The following PCLO variants were observed in gnomAD, a reference collection of about 807,000 sequenced individuals.
PCLO encodes protein piccolo.
A neutral mutation model predicts 427.5 loss-of-function variants in PCLO; 82 were observed. The ratio of observed to expected loss-of-function variants is 0.19; its 90% confidence interval spans 0.16 to 0.23. The LOEUF (loss-of-function observed/expected upper bound fraction) is 0.23. PCLO is among the 10% of genes least tolerant of loss of function. PCLO has a pLI of 1.00. For missense variants in PCLO, 6,239 were observed against 6,115.9 expected (o/e 1.02, Z -0.67); for synonymous variants, 2,357 against 2,155.4 (o/e 1.09, Z -2.59).
In PCLO at chr7:82,916,784, T is replaced by C. The variant is rs781670973; in HGVS notation, c.11202A>G (p.Thr3734=). The change falls in exon 7 of 25, where the codon ACA becomes ACG. Residue 3734 remains threonine (T), a synonymous_variant. Coordinates refer to ENST00000333891, the MANE Select transcript of PCLO (RefSeq NM_033026.6). ...LPNPPPEEIS[T]GTQSTFSTMG... ...TTGTGCTGAATGTGGATTGAGTTCC[T>C]GTGGAAATCTCCTCAGGAGGTGGAT... 1.9e-5 allele frequency: 30 copies of C among 1,613,552 alleles called. No homozygotes were observed. The highest frequency in any genetic ancestry group is 1.6e-4 in the Middle Eastern group (1 of 6,078).
intron 3 of PCLO, among the ~76,000 whole-genome samples, chr7:83,127,201 A>C (rs1562977825): frequency 6.6e-6 from 1 of 152,066 alleles, no homozygotes; most frequent in Non-Finnish European, 1.5e-5. Context: ...GATACCTTAT[A>C]AATACAATGA....
chr7:82,908,455 G>GCGTTCTTTCTATCCCAGCTCACT, intron 8 of PCLO, among the ~76,000 whole-genome samples: 1 of 152,130 alleles, frequency 6.6e-6, no homozygotes, highest in South Asian at 2.1e-4. Flanking sequence ...TCCAGGTTAA[G>GCGTTCTTTCTATCCCAGCTCACT]CGTTCTTTCT....
At chr7:82,842,490 T>C (rs1484829177) in intron 13 of PCLO, among the ~76,000 whole-genome samples, 1 of 152,074 alleles carries the variant, frequency 6.6e-6, no homozygotes, top group Admixed American at 6.6e-5. Context: ...ACCAAAGATT[T>C]TTTTGGAGAT....
intron 3 of PCLO, among the ~76,000 whole-genome samples, chr7:82,993,907 G>A (rs1796435864): frequency 6.6e-6 from 1 of 151,994 alleles, no homozygotes; most frequent in African/African-American, 2.4e-5. Context: ...AAACTAAAAT[G>A]AGACTTCTAA....
chr7:82,852,141 C>G (rs889251868), intron 10 of PCLO, among the ~76,000 whole-genome samples: 2 of 151,880 alleles, frequency 1.3e-5, no homozygotes, highest in African/African-American at 4.8e-5. Context: ...ATTTACAGAA[C>G]AAGGAGATAC....
At position 82,927,262 on chromosome 7, in the gene PCLO, T is replaced by C. The variant is rs1794734060; in HGVS notation, c.11113-10389A>G. ...CTATAACTTTTAATATTTATATAAC[T>C]AGCGTAGGTTTAAAGTACTTTTCAC... is the stretch of plus-strand genomic sequence containing the variant. On this transcript the variant is annotated intron_variant, in intron 6 of 24. Transcript: ENST00000333891. Among the ~76,000 whole-genome samples, 5 of 152,202 alleles carry C rather than the reference T, an allele frequency of 3.3e-5. No homozygotes were observed. The South Asian group carries it at 1.0e-3, about 31-fold the overall frequency.
rs112498800 is a variant in PCLO, at chr7:83,040,453, A to G, written c.3301-73966T>C. 4.9e-3 allele frequency among the ~76,000 whole-genome samples: 750 copies of G among 152,264 alleles called. 2 individuals are homozygous for G. The highest frequency in any genetic ancestry group is 0.017 in the African/African-American group (703 of 41,558). On this transcript the variant is annotated intron_variant, in intron 3 of 24. Transcript: ENST00000333891. Reference sequence around the variant, plus strand: ...GCGGATTTTTCTGTTGTTTTCAACAACGTCCTGGGGCATAAATTGTTTCGC... The same window carrying G: ...GCGGATTTTTCTGTTGTTTTCAACAGCGTCCTGGGGCATAAATTGTTTCGC...
chr7:83,107,056 TTTTTTA>T (rs1393519593), intron 3 of PCLO, among the ~76,000 whole-genome samples: 1 of 152,144 alleles, frequency 6.6e-6, no homozygotes, highest in Admixed American at 6.5e-5. Flanking sequence ...TTCAGATTCT[TTTTTTA>T]TTTTTAACTT....
rs1562996152 is a variant in PCLO at position 83,155,526 on chromosome 7, G to GGAGGCTTAGCAGGACCAA, written c.1097_1114dup (p.Leu366_Pro371dup). On this transcript the variant is annotated inframe_insertion, in exon 2 of 25. Coordinates refer to ENST00000333891, the MANE Select transcript of PCLO (RefSeq NM_033026.6). ...CTTCTCTGACCCAGTCTGCTGAGCT[G>GGAGGCTTAGCAGGACCAA]GAGGCTTAGCAGGACCAAGAGGCTG... The GGAGGCTTAGCAGGACCAA allele has an allele frequency of 6.2e-7, 1 of 1,612,764 alleles. No individual in the cohort carries two copies.
rs570449593 is a variant in PCLO, at chr7:83,089,274, T to G, written c.3300+44976A>C. On this transcript the variant is annotated intron_variant, in intron 3 of 24. Transcript: ENST00000333891. ...ATTAGAAGTGCTTAAGCCTTCTGAATGGAATGAATTCTGCTCTGCCCTTTC... is the reference window on the plus strand; with the variant it reads ...ATTAGAAGTGCTTAAGCCTTCTGAAGGGAATGAATTCTGCTCTGCCCTTTC... 9.2e-5 allele frequency among the ~76,000 whole-genome samples: 14 copies of G among 152,288 alleles called. 1 individual carries two copies. In the South Asian group the frequency reaches 1.2e-3, roughly 14 times the overall value.
intron 1 of PCLO, among the ~76,000 whole-genome samples, chr7:83,160,546 T>C (rs1354974058): frequency 7.0e-6 from 1 of 142,128 alleles, no homozygotes; most frequent in Non-Finnish European, 1.6e-5. Flanking sequence ...GTCAGAAAAT[T>C]ATTATTTATT....
chr7:83,155,021 T>TGAGGGTTTTGCTGAGCC lies in PCLO; in HGVS notation c.1603_1619dup (p.Pro544AsnfsTer21). Reference sequence around the variant, plus strand: ...GCTTTGCTGGGCTAGGCTGTTGAGCTGAGGGTTTTGCTGAGCCAGGCTGTT... The same window carrying TGAGGGTTTTGCTGAGCC: ...GCTTTGCTGGGCTAGGCTGTTGAGCTGAGGGTTTTGCTGAGCCGAGGGTTTTGCTGAGCCAGGCTGTT... On this transcript the variant is annotated frameshift_variant, in exon 2 of 25. Transcript: ENST00000333891. LOFTEE classifies it high-confidence loss of function. 1 of 1,613,686 alleles carries TGAGGGTTTTGCTGAGCC rather than the reference T, an allele frequency of 6.2e-7. No homozygotes were observed. Among genetic ancestry groups the TGAGGGTTTTGCTGAGCC allele is most frequent in the Non-Finnish European group, 8.5e-7 (1 of 1,179,808 alleles).
At chr7:83,108,115 C>T (rs1356973768) in intron 3 of PCLO, among the ~76,000 whole-genome samples, 1 of 150,914 alleles carries the variant, frequency 6.6e-6, no homozygotes, top group Admixed American at 6.6e-5. Context: ...AGATAAAGTA[C>T]TACAGTTTAT....
intron 3 of PCLO, among the ~76,000 whole-genome samples, chr7:83,058,567 T>A (rs1383242240): frequency 6.6e-6 from 1 of 152,208 alleles, no homozygotes; most frequent in African/African-American, 2.4e-5. Context: ...TATACCTCAA[T>A]AATAATTGCT....
intron 2 of PCLO, among the ~76,000 whole-genome samples, chr7:83,150,005 G>A (rs1485184251): frequency 6.6e-6 from 1 of 152,046 alleles, no homozygotes; most frequent in Non-Finnish European, 1.5e-5. Flanking sequence ...AAAAAAAATG[G>A]CGAGAAAACT....
At chr7:82,797,776 C>T (rs1462414420) in intron 22 of PCLO, among the ~76,000 whole-genome samples, 2 of 152,062 alleles carry the variant, frequency 1.3e-5, no homozygotes, top group Non-Finnish European at 2.9e-5. Flanking sequence ...AATCCCAGAA[C>T]CCTTCATAGG....
intron 22 of PCLO, among the ~76,000 whole-genome samples, chr7:82,773,948 GA>G: frequency 6.6e-6 from 1 of 152,296 alleles, no homozygotes; most frequent in South Asian, 2.1e-4. Context: ...TTGTTTTGCA[GA>G]GGTTATGACT....
At chr7:82,826,344 T>G (rs1346561516) in intron 18 of PCLO, among the ~76,000 whole-genome samples, 4 of 152,122 alleles carry the variant, frequency 2.6e-5, no homozygotes, top group Admixed American at 2.6e-4. Flanking sequence ...TGATTACATA[T>G]CTTCCTATTG....
At chr7:83,038,007 A>T (rs1195694335) in intron 3 of PCLO, among the ~76,000 whole-genome samples, 2 of 41,946 alleles carry the variant, frequency 4.8e-5, no homozygotes, top group African/African-American at 3.1e-4. Context: ...ATATATATAT[A>T]TATATATATA....
Sources: gnomAD v4.1 joint callset for allele counts (sites outside exome capture counted in the v4.1 genomes callset) on GRCh38, gnomAD v4.1.1 for gene constraint, MANE v1.5 for transcripts, NCBI Gene and HGNC (gene_info 2026-07-23, HGNC 2026-07-21) for gene names.